The following NACC2 variants were observed in gnomAD, a reference collection of about 807,000 sequenced individuals.
NACC2 encodes the protein NACC family member 2.
Under a neutral mutation model 25.1 loss-of-function variants are expected in NACC2, and 8 were observed. The observed-to-expected ratio is 0.32, with a 90% confidence interval of 0.19 to 0.57. NACC2 has a LOEUF of 0.57. Among genes scored for constraint, NACC2 ranks in the 20% least tolerant of loss-of-function variants. The pLI is 0.89. For missense variants in NACC2, 644 were observed against 650.2 expected, an observed-to-expected ratio of 0.99 and a Z score of 0.10; for synonymous variants, 435 against 294.7, an observed-to-expected ratio of 1.48 and a Z score of -4.88.
At position 136,019,278 on chromosome 9, in the gene NACC2, C is replaced by T. The variant is rs1316022376; in HGVS notation, c.887-2849G>A. The T allele has an allele frequency of 6.6e-6, 1 of 152,254 alleles. No homozygotes were observed. The highest frequency in any genetic ancestry group is 2.4e-5 in the African/African-American group (1 of 41,460). 9.4% of individuals were successfully genotyped at this position (152,254 alleles called of 1,614,324 possible). On this transcript the variant is annotated intron_variant, in intron 2 of 5. Coordinates refer to ENST00000277554, the MANE Select transcript of NACC2 (RefSeq NM_144653.5). This position sits in a 1 kb window ranked among gnomAD's most constrained non-coding sequence, Gnocchi z 5.2. The stretch of plus-strand genomic sequence containing the variant: ...AGGACGGCTCATCCCTCGTGGCCCC[C>T]GGAAGGGCCATTCAGAGGCCCCGTG...
chr9:136,087,921 C>A (rs922677056), intron 1 of NACC2, among the ~76,000 whole-genome samples: 3 of 152,168 alleles, frequency 2.0e-5, no homozygotes, highest in African/African-American at 7.2e-5. Flanking sequence ...CCCAGGAAGG[C>A]CCAGTTTCCC....
intron 1 of NACC2, among the ~76,000 whole-genome samples, chr9:136,068,004 T>C (rs772087549): frequency 6.6e-6 from 1 of 152,114 alleles, no homozygotes; most frequent in African/African-American, 2.4e-5. Flanking sequence ...ATAGTAAAGG[T>C]TCAGTAAAAA....
chr9:136,075,459 C>T lies in NACC2; in HGVS notation c.-60+19730G>A, dbSNP rs115308744. On this transcript the variant is annotated intron_variant, in intron 1 of 5. Transcript: ENST00000277554. Reference sequence around the variant, plus strand: ...CCCGAGCCTGTTTCCCTTTCGTAGACGTCGGCAGCGGCTCCGTGTGAACCT... The same window carrying T: ...CCCGAGCCTGTTTCCCTTTCGTAGATGTCGGCAGCGGCTCCGTGTGAACCT... Among the ~76,000 whole-genome samples, 1,462 of 152,368 alleles carry T rather than the reference C, an allele frequency of 9.6e-3. 22 individuals are homozygous for T. The highest frequency in any genetic ancestry group is 0.033 in the African/African-American group (1,357 of 41,582).
At chr9:136,061,202 G>A (rs140186110) in intron 1 of NACC2, among the ~76,000 whole-genome samples, 1 of 152,156 alleles carries the variant, frequency 6.6e-6, no homozygotes, top group Non-Finnish European at 1.5e-5. Context: ...GGCTACCGGG[G>A]TCTCCCACTG....
chr9:136,064,201 A>G (rs1410515700), intron 1 of NACC2, among the ~76,000 whole-genome samples: 2 of 152,168 alleles, frequency 1.3e-5, no homozygotes, highest in Non-Finnish European at 2.9e-5. Flanking sequence ...AGGGGGGAGA[A>G]TCACTTGAGC....
intron 1 of NACC2, among the ~76,000 whole-genome samples, chr9:136,053,716 G>A (rs1186587171): frequency 6.6e-6 from 1 of 152,214 alleles, no homozygotes; most frequent in Non-Finnish European, 1.5e-5. Flanking sequence ...GCCTCCCAGA[G>A]AGCCCGTGGC....
intron 1 of NACC2, among the ~76,000 whole-genome samples, chr9:136,088,414 G>A (rs55818000): frequency 0.03 from 4,524 of 152,206 alleles, 90 homozygotes; most frequent in African/African-American, 0.045. Flanking sequence ...CCAAGCCACC[G>A]TCCACATCTT....
intron 1 of NACC2, among the ~76,000 whole-genome samples, chr9:136,060,383 C>A (rs117162508): frequency 6.6e-6 from 1 of 152,202 alleles, no homozygotes; most frequent in Non-Finnish European, 1.5e-5. Context: ...AGGTAATTAC[C>A]GATATGAAAA....
intron 1 of NACC2, among the ~76,000 whole-genome samples, chr9:136,080,619 C>A (rs62583482): frequency 0.11 from 17,046 of 152,146 alleles, 1,237 homozygotes; most frequent in Admixed American, 0.24. Context: ...GCCAGCACAC[C>A]ATCCCCCACC....
chr9:136,046,933 T>G (rs890305598), intron 2 of NACC2, among the ~76,000 whole-genome samples: 7 of 152,104 alleles, frequency 4.6e-5, no homozygotes, highest in African/African-American at 1.4e-4. Context: ...GGACAAACTG[T>G]CCATGGTTCT....
intron 2 of NACC2, among the ~76,000 whole-genome samples, chr9:136,043,168 T>G (rs1588568508): frequency 1.3e-5 from 2 of 152,148 alleles, no homozygotes. Context: ...TCTTTGAGAG[T>G]CACCATTACA....
chr9:136,049,709 G>C lies in NACC2; in HGVS notation c.813C>G (p.Asp271Glu), dbSNP rs1020088312. 663 of 778,994 alleles carry C rather than the reference G, an allele frequency of 8.5e-4. 9 individuals are homozygous for C. In the East Asian group the frequency reaches 0.016, roughly 18 times the overall value. The allele number at this position is 778,994 out of a possible 1,614,324, so 48.3% of individuals were successfully genotyped here. A position where few individuals can be genotyped will look rare whatever the true frequency, so the allele number is the denominator to read the frequency against. The change falls in exon 2 of 6, where the codon GAC becomes GAG. Residue 271 changes from aspartate to glutamate, a missense_variant. Asp to Glu is a conservative substitution (Grantham distance 45). Transcript: ENST00000277554. Reference protein sequence around the residue: ...TSYHNEEDEEDDEAYDTMVEE... With the variant: ...TSYHNEEDEEEDEAYDTMVEE... ...CCACCATGGTGTCGTAGGCCTCGTC[G>C]TCCTCCTCGTCCTCCTCGTTGTGGT...
In NACC2 at chr9:136,011,366, C is replaced by A. The variant is rs1840103669; in HGVS notation, c.*150G>T. On this transcript the variant is annotated 3_prime_UTR_variant, in exon 6 of 6. Coordinates refer to ENST00000277554, the MANE Select transcript of NACC2 (RefSeq NM_144653.5). Reference sequence around the variant, plus strand: ...TAATGAATGCATTTGTTTCCTTCATCAATTTTAAATACAAGCAGAATAAAA... The same window carrying A: ...TAATGAATGCATTTGTTTCCTTCATAAATTTTAAATACAAGCAGAATAAAA... 3 of 928,662 alleles carry A rather than the reference C, an allele frequency of 3.2e-6. No individual in the cohort carries two copies. The East Asian group carries it at 9.3e-5, about 29-fold the overall frequency. 57.5% of individuals were successfully genotyped at this position (928,662 alleles called of 1,614,324 possible).
In NACC2 at chr9:136,011,931, C is replaced by A. The variant is rs752725060; in HGVS notation, c.1349G>T (p.Arg450Leu). ...CATGGACTTGATCTTGGGCAGCCAG[C>A]GCTTGCGAACGCGGCGGGCGTTGGT... ...MCTNARRVRK[R>L]WLPKIKSMLP... The change falls in exon 6 of 6, where the codon CGC (arginine) becomes CTC (leucine). Residue 450 changes from arginine to leucine, a missense_variant. Transcript: ENST00000277554. The A allele has an allele frequency of 6.2e-7, 1 of 1,600,152 alleles. No homozygotes were observed.
chr9:136,085,236 G>A (rs1045060171), intron 1 of NACC2, among the ~76,000 whole-genome samples: 10 of 125,954 alleles, frequency 7.9e-5, no homozygotes, highest in Admixed American at 3.0e-4. Flanking sequence ...TGCAACCTCC[G>A]CCTCCAGGGT....
chr9:136,007,479 GCA>G lies in NACC2; in HGVS notation c.*4035_*4036del, dbSNP rs766572651. 13 of 147,060 alleles carry G rather than the reference GCA, an allele frequency of 8.8e-5. No individual in the cohort carries two copies. In the East Asian group the frequency reaches 1.2e-3, roughly 14 times the overall value. 9.1% of individuals were successfully genotyped at this position (147,060 alleles called of 1,614,324 possible). On this transcript the variant is annotated 3_prime_UTR_variant, in exon 6 of 6. Transcript: ENST00000277554. ...CGCACACAGACGCACACACACAGAC[GCA>G]CACACGCACAGACACACACATGCAC... is the stretch of plus-strand genomic sequence containing the variant.
rs1840028875 is a variant in NACC2 at position 136,007,327 on chromosome 9, G to C, written c.*4189C>G. On this transcript the variant is annotated 3_prime_UTR_variant, in exon 6 of 6. Coordinates refer to ENST00000277554, the MANE Select transcript of NACC2 (RefSeq NM_144653.5). ...CTTGTACCAAACCCTAAATGCTCCG[G>C]TGGTGACGTGCACGCGCGTGCACAC... 6.5e-6 allele frequency: 1 copy of C among 153,600 alleles called. No individual in the cohort carries two copies. The highest frequency in any genetic ancestry group is 2.0e-4 in the South Asian group (1 of 4,904). 9.5% of individuals were successfully genotyped at this position (153,600 alleles called of 1,614,324 possible).
intron 1 of NACC2, among the ~76,000 whole-genome samples, chr9:136,092,067 G>A (rs897528704): frequency 7.9e-5 from 12 of 152,210 alleles, no homozygotes; most frequent in African/African-American, 9.6e-5. Context: ...CAGGGAGGCC[G>A]GTGTGGGGGC....
intron 1 of NACC2, among the ~76,000 whole-genome samples, chr9:136,081,517 A>C (rs1443706990): frequency 1.3e-5 from 2 of 152,250 alleles, no homozygotes; most frequent in Non-Finnish European, 2.9e-5. Context: ...CTGTAACAGA[A>C]TTCCCTCGTG....
Sources: allele counts gnomAD v4.1 joint callset (sites outside exome capture counted in the v4.1 genomes callset), GRCh38; gene constraint gnomAD v4.1.1; non-coding constraint Gnocchi (gnomAD v3.1); transcripts MANE v1.5; gene names NCBI Gene and HGNC (gene_info 2026-07-23, HGNC 2026-07-21).